Variants in ATP9B observed in about 807,000 individuals in gnomAD.
The protein encoded by ATP9B is probable phospholipid-transporting ATPase IIB.
A neutral mutation model predicts 146.1 loss-of-function variants in ATP9B; 110 were observed. The observed-to-expected ratio is 0.75, with a 90% CI of 0.65 to 0.88. The LOEUF is 0.88. Ranked by LOEUF, ATP9B falls within the 40% of genes least tolerant of loss-of-function variation. The pLI is 0.00. For missense variants in ATP9B, 1,499 were observed against 1,496.4 expected (o/e 1.00, Z -0.03); for synonymous variants, 604 against 569.7 (o/e 1.06, Z -0.86).
At chr18:79,334,398 T>C (rs1568726928) in intron 17 of ATP9B, among the ~76,000 whole-genome samples, 1 of 104,158 alleles carries the variant, frequency 9.6e-6, no homozygotes, top group Non-Finnish European at 2.1e-5. Flanking sequence ...ATTCAAAAAT[T>C]GATAGTTATA....
intron 2 of ATP9B, among the ~76,000 whole-genome samples, chr18:79,097,267 C>T (rs1025042305): frequency 2.0e-5 from 3 of 150,438 alleles, no homozygotes; most frequent in African/African-American, 7.3e-5. Flanking sequence ...TTTTTCTTCC[C>T]AAAAGATAGA....
intron 26 of ATP9B, chr18:79,361,174 A>G (rs180872133): frequency 2.8e-4 from 43 of 152,342 alleles, no homozygotes; most frequent in Admixed American, 2.4e-3. Context: ...GAAACTTGTC[A>G]TAGGACTGTC....
chr18:79,073,037 C>T (rs919472082), intron 1 of ATP9B, among the ~76,000 whole-genome samples: 4 of 151,636 alleles, frequency 2.6e-5, no homozygotes, highest in African/African-American at 4.9e-5. Context: ...GACTGGGCGG[C>T]GGGGCAGAGG....
At chr18:79,219,853 T>C (rs1408073680) in intron 11 of ATP9B, among the ~76,000 whole-genome samples, 1 of 152,228 alleles carries the variant, frequency 6.6e-6, no homozygotes, top group Non-Finnish European at 1.5e-5. Context: ...GTAGTGAAAT[T>C]GATGCAACAT....
intron 15 of ATP9B, among the ~76,000 whole-genome samples, chr18:79,320,424 T>C (rs2096708793): frequency 6.6e-6 from 1 of 152,198 alleles, no homozygotes; most frequent in South Asian, 2.1e-4. Context: ...TGGAGAGTGA[T>C]GGGGAGGGCC....
At chr18:79,136,313 C>G (rs1484481568) in intron 5 of ATP9B, among the ~76,000 whole-genome samples, 1 of 152,024 alleles carries the variant, frequency 6.6e-6, no homozygotes, top group East Asian at 1.9e-4. Flanking sequence ...TACATCTTCC[C>G]CTTTAAAATT....
chr18:79,297,002 G>A (rs1187739538), intron 13 of ATP9B, among the ~76,000 whole-genome samples: 3 of 148,086 alleles, frequency 2.0e-5, no homozygotes, highest in Non-Finnish European at 4.5e-5. Flanking sequence ...AGACACAGAC[G>A]ACCCAGAGAG....
intron 8 of ATP9B, among the ~76,000 whole-genome samples, chr18:79,181,324 T>C (rs2095250126): frequency 6.6e-6 from 1 of 152,194 alleles, no homozygotes; most frequent in African/African-American, 2.4e-5. Flanking sequence ...TGTTGATGCA[T>C]TTTCATTTGT....
Position 79,347,751 on chromosome 18 carries a change from C to A in ATP9B, c.2683-19C>A, listed in dbSNP as rs761099923. 6 of 1,524,782 alleles carry A rather than the reference C, an allele frequency of 3.9e-6. No homozygotes were observed. The South Asian group carries it at 7.7e-5, about 20-fold the overall frequency. 94.5% of individuals were successfully genotyped at this position (1,524,782 alleles called of 1,614,324 possible). On this transcript the variant is annotated intron_variant, in intron 23 of 29. Transcript: ENST00000426216. The stretch of plus-strand genomic sequence containing the variant: ...AGCGTCCGCCATGTTTGAAAAGGCC[C>A]CGTGTGCTTTTCTCTCAGGAGGGTA...
chr18:79,200,788 T>TGGGGACTGTCAGGGTCAGAGCAGA (rs370231088), intron 9 of ATP9B, among the ~76,000 whole-genome samples: 1 of 35,460 alleles, frequency 2.8e-5, no homozygotes, highest in African/African-American at 1.2e-4. Context: ...GAAGTAGTGG[T>TGGGGACTGTCAGGGTCAGAGCAGA]GGAATTGTTT....
rs1383447752 is a variant in ATP9B at position 79,297,915 on chromosome 18, C to T, written c.1412-5689C>T. 2.0e-5 allele frequency among the ~76,000 whole-genome samples: 3 copies of T among 146,862 alleles called. No homozygotes were observed. In the Admixed American group the frequency reaches 2.1e-4, roughly 10 times the overall value. On this transcript the variant is annotated intron_variant, in intron 13 of 29. Coordinates refer to ENST00000426216, the MANE Select transcript of ATP9B (RefSeq NM_198531.5). ...GCAGAAAAGCATATGACAAATGTAG[C>T]CCTCATTCATGCTTTAAGAAGAAAA...
At chr18:79,338,706 T>C (rs376897077) in intron 19 of ATP9B, among the ~76,000 whole-genome samples, 17 of 152,204 alleles carry the variant, frequency 1.1e-4, no homozygotes, top group East Asian at 7.7e-4. Context: ...TTGGCACTTA[T>C]GGTGTAAGTT....
intron 1 of ATP9B, chr18:79,085,710 C>G (rs2073759586): frequency 6.6e-6 from 1 of 152,138 alleles, no homozygotes; most frequent in South Asian, 2.1e-4. Context: ...TTATCCATGT[C>G]CATTATTAGT....
At chr18:79,270,097 AG>A (rs2096241195) in intron 12 of ATP9B, among the ~76,000 whole-genome samples, 1 of 152,150 alleles carries the variant, frequency 6.6e-6, no homozygotes, top group African/African-American at 2.4e-5. Flanking sequence ...CTTTCTTCTT[AG>A]CCTTTTGGAG....
At chr18:79,106,956 A>G (rs2075690889) in intron 2 of ATP9B, among the ~76,000 whole-genome samples, 1 of 152,212 alleles carries the variant, frequency 6.6e-6, no homozygotes, top group Admixed American at 6.5e-5. Flanking sequence ...ATAATGCTAT[A>G]AAGCTTATAT....
At chr18:79,355,931 C>T (rs921262858) in intron 25 of ATP9B, among the ~76,000 whole-genome samples, 10 of 152,062 alleles carry the variant, frequency 6.6e-5, no homozygotes, top group Non-Finnish European at 1.3e-4. Context: ...ACTCAAGTGC[C>T]GGAGAAAGGC....
chr18:79,094,267 T>G (rs1246650765), intron 1 of ATP9B, among the ~76,000 whole-genome samples: 1 of 152,240 alleles, frequency 6.6e-6, no homozygotes, highest in Non-Finnish European at 1.5e-5. Context: ...GGGGTGAGCC[T>G]GGGACTTCTG....
chr18:79,099,824 T>A (rs988454898), intron 2 of ATP9B, among the ~76,000 whole-genome samples: 7 of 152,020 alleles, frequency 4.6e-5, no homozygotes, highest in Non-Finnish European at 8.8e-5. Flanking sequence ...CCATTGAATA[T>A]ACTTATAATT....
intron 13 of ATP9B, among the ~76,000 whole-genome samples, chr18:79,283,844 G>A (rs2096405310): frequency 6.6e-6 from 1 of 152,184 alleles, no homozygotes; most frequent in Non-Finnish European, 1.5e-5. Context: ...CTCACTGGTT[G>A]CATTTGACAG....
Sources: gnomAD v4.1 joint callset for allele counts (sites outside exome capture counted in the v4.1 genomes callset) on GRCh38, gnomAD v4.1.1 for gene constraint, MANE v1.5 for transcripts, NCBI Gene and HGNC (gene_info 2026-07-23, HGNC 2026-07-21) for gene names.